The following NTN4 variants were observed in gnomAD, a reference collection of about 807,000 sequenced individuals.
NTN4 encodes the protein netrin-4.
A neutral mutation model predicts 73.6 loss-of-function variants in NTN4; 32 were observed. The ratio of observed to expected loss-of-function variants is 0.44; its 90% CI spans 0.33 to 0.58. The LOEUF is 0.58. NTN4 is among the 20% of genes least tolerant of loss of function. The pLI, the probability that NTN4 is intolerant of heterozygous loss-of-function variation, is 0.04. For synonymous variants in NTN4, 258 were observed against 287.5 expected (o/e 0.90, Z 1.04); for missense variants, 654 against 798.3 (o/e 0.82, Z 2.18).
chr12:95,738,444 A>G (rs2078798297), intron 2 of NTN4, among the ~76,000 whole-genome samples: 1 of 152,198 alleles, frequency 6.6e-6, no homozygotes. Flanking sequence ...AGGGAAGAGC[A>G]AGCTTAAAGG....
chr12:95,755,234 T>A (rs191702610), intron 2 of NTN4, among the ~76,000 whole-genome samples: 21 of 152,224 alleles, frequency 1.4e-4, no homozygotes, highest in African/African-American at 5.1e-4. Context: ...GACATTTTGG[T>A]ACCAGAGTTG....
intron 2 of NTN4, among the ~76,000 whole-genome samples, chr12:95,738,623 C>T (rs1004510587): frequency 5.3e-5 from 8 of 152,088 alleles, no homozygotes; most frequent in Non-Finnish European, 1.0e-4. Context: ...CTGACTGTAG[C>T]GGAAGCCACT....
intron 2 of NTN4, among the ~76,000 whole-genome samples, chr12:95,757,625 A>G (rs2078955189): frequency 6.6e-6 from 1 of 152,018 alleles, no homozygotes; most frequent in Non-Finnish European, 1.5e-5. Context: ...AACAGAACTA[A>G]AGGCTGAGCT....
chr12:95,753,893 A>G (rs1166923897), intron 2 of NTN4, among the ~76,000 whole-genome samples: 1 of 152,042 alleles, frequency 6.6e-6, no homozygotes, highest in East Asian at 1.9e-4. Flanking sequence ...AAAACTTGTC[A>G]TCCCTACTAT....
chr12:95,667,281 C>T (rs1359402212), intron 8 of NTN4, among the ~76,000 whole-genome samples: 2 of 151,488 alleles, frequency 1.3e-5, no homozygotes, highest in Admixed American at 1.3e-4. Context: ...CCTCCGCCTC[C>T]GAGGTTCAAG....
intron 3 of NTN4, among the ~76,000 whole-genome samples, chr12:95,715,799 T>C (rs2078600956): frequency 6.6e-6 from 1 of 152,140 alleles, no homozygotes; most frequent in Non-Finnish European, 1.5e-5. Context: ...TTCAGTGTTC[T>C]CTCTCATCAT....
chr12:95,755,837 T>C (rs139691289), intron 2 of NTN4, among the ~76,000 whole-genome samples: 9 of 152,328 alleles, frequency 5.9e-5, no homozygotes, highest in Non-Finnish European at 1.0e-4. Flanking sequence ...GACAGAACTG[T>C]AACTGAGGAA....
intron 2 of NTN4, among the ~76,000 whole-genome samples, chr12:95,746,263 C>T (rs953343887): frequency 6.6e-6 from 1 of 152,172 alleles, no homozygotes. Context: ...ACACCCAAAG[C>T]CCCGCGTCTA....
intron 5 of NTN4, among the ~76,000 whole-genome samples, chr12:95,707,096 T>C (rs1358285230): frequency 6.6e-6 from 1 of 152,212 alleles, no homozygotes; most frequent in African/African-American, 2.4e-5. Context: ...TGAGCTGCCT[T>C]TGTGTAACAC....
chr12:95,742,642 G>A (rs2078835102), intron 2 of NTN4, among the ~76,000 whole-genome samples: 2 of 152,274 alleles, frequency 1.3e-5, no homozygotes, highest in South Asian at 2.1e-4. Context: ...AGGCCGTCCT[G>A]TGGACTCCCT....
intron 2 of NTN4, among the ~76,000 whole-genome samples, chr12:95,738,984 C>G (rs2078802930): frequency 6.6e-6 from 1 of 152,188 alleles, no homozygotes; most frequent in South Asian, 2.1e-4. Context: ...ATGCAAGGTC[C>G]TTATAATGGC....
intron 2 of NTN4, among the ~76,000 whole-genome samples, chr12:95,778,594 C>T (rs1023493986): frequency 1.3e-5 from 2 of 152,190 alleles, no homozygotes; most frequent in Non-Finnish European, 2.9e-5. Context: ...CACATACACC[C>T]TCCCAAGACT....
intron 3 of NTN4, among the ~76,000 whole-genome samples, chr12:95,735,801 C>T (rs995754971): frequency 2.0e-5 from 3 of 151,998 alleles, no homozygotes; most frequent in African/African-American, 7.2e-5. Context: ...TTTTTATCTT[C>T]AGCCTTAGAA....
At chr12:95,746,725 C>T (rs1006485383) in intron 2 of NTN4, among the ~76,000 whole-genome samples, 3 of 152,148 alleles carry the variant, frequency 2.0e-5, no homozygotes, top group Non-Finnish European at 2.9e-5. Flanking sequence ...CCTAGATTCT[C>T]GAGTCCTTAA....
At chr12:95,674,291 G>C (rs537094401) in intron 7 of NTN4, among the ~76,000 whole-genome samples, 3 of 152,272 alleles carry the variant, frequency 2.0e-5, no homozygotes, top group East Asian at 3.9e-4. Context: ...GGCATATACT[G>C]TTCCTCAACA....
intron 2 of NTN4, among the ~76,000 whole-genome samples, chr12:95,766,189 T>C (rs929792529): frequency 6.6e-6 from 1 of 152,210 alleles, no homozygotes; most frequent in African/African-American, 2.4e-5. Context: ...AGAAATAAGA[T>C]TTCCCTAAAA....
chr12:95,735,909 A>T (rs1182512622), intron 3 of NTN4, among the ~76,000 whole-genome samples: 8 of 65,466 alleles, frequency 1.2e-4, no homozygotes, highest in African/African-American at 2.1e-4. Context: ...TTAAATTTTT[A>T]TTTATTTATT....
chr12:95,694,696 A>C (rs911574675), intron 5 of NTN4, among the ~76,000 whole-genome samples: 19 of 152,266 alleles, frequency 1.2e-4, no homozygotes, highest in African/African-American at 4.1e-4. Flanking sequence ...AAAGTTGTAA[A>C]TGTGCTTTAC....
chr12:95,685,784 T>C (rs531944970), intron 5 of NTN4, among the ~76,000 whole-genome samples: 6 of 152,236 alleles, frequency 3.9e-5, no homozygotes, highest in Non-Finnish European at 5.9e-5. Flanking sequence ...ACTATCCTTA[T>C]GCAGTGGTAA....
Sources: gnomAD v4.1 joint callset for allele counts (sites outside exome capture counted in the v4.1 genomes callset) on GRCh38, gnomAD v4.1.1 for gene constraint, MANE v1.5 for transcripts, NCBI Gene and HGNC (gene_info 2026-07-23, HGNC 2026-07-21) for gene names.